The following CPLANE1 variants were observed in gnomAD, a reference collection of about 807,000 sequenced individuals.
CPLANE1 encodes the protein ciliogenesis and planar polarity effector complex subunit 1.
Under a neutral mutation model 362.5 loss-of-function variants are expected in CPLANE1, and 263 were observed. The ratio of observed to expected loss-of-function variants is 0.73; its 90% CI spans 0.66 to 0.80. CPLANE1 has a LOEUF of 0.80. Ranked by LOEUF, CPLANE1 falls within the 30% of genes least tolerant of loss-of-function variation. CPLANE1 has a pLI of 0.00. For missense variants in CPLANE1, 3,461 were observed against 3,793.4 expected (o/e 0.91, Z 2.30); for synonymous variants, 1,212 against 1,302.6 (o/e 0.93, Z 1.50).
downstream of CPLANE1, among the ~76,000 whole-genome samples, chr5:37,103,160 T>C (rs569956699): frequency 5.7e-4 from 87 of 152,312 alleles, 1 homozygote; most frequent in African/African-American, 2.0e-3. Context: ...TTTTTATCTT[T>C]GTTGGTTTAA....
At chr5:37,177,260 TACATA>T (rs1201745199) in intron 30 of CPLANE1, among the ~76,000 whole-genome samples, 1 of 152,190 alleles carries the variant, frequency 6.6e-6, no homozygotes, top group Non-Finnish European at 1.5e-5. Flanking sequence ...ATTTTATACA[TACATA>T]AAATAATTTA....
At chr5:37,197,848 A>G (rs1288533258) in intron 20 of CPLANE1, among the ~76,000 whole-genome samples, 1 of 152,100 alleles carries the variant, frequency 6.6e-6, no homozygotes, top group Non-Finnish European at 1.5e-5. Context: ...CATCACCCCA[A>G]AAAGAAAAAC....
chr5:37,140,706 G>A (rs1769440372), intron 44 of CPLANE1: 1 of 985,266 alleles, frequency 1.0e-6, no homozygotes, highest in Non-Finnish European at 1.2e-6. Context: ...GACCTCTTGG[G>A]TTAAAGATTG....
the CPLANE1 span, among the ~76,000 whole-genome samples, chr5:37,098,073 TAC>T: frequency 2.6e-5 from 4 of 151,924 alleles, no homozygotes; most frequent in African/African-American, 9.7e-5. Context: ...CAGACTCCAA[TAC>T]AGTCATATTT....
the CPLANE1 span, among the ~76,000 whole-genome samples, chr5:37,077,479 C>A: frequency 2.6e-5 from 4 of 151,868 alleles, no homozygotes; most frequent in African/African-American, 7.3e-5. Context: ...TTTTCCAATT[C>A]TCTTTGTTTG....
In CPLANE1 at chr5:37,201,800, C is replaced by T; in HGVS notation, c.3298G>A (p.Glu1100Lys). The T allele has an allele frequency of 6.2e-7, 1 of 1,609,168 alleles. No individual in the cohort carries two copies. Among genetic ancestry groups the T allele is most frequent in the Admixed American group, 1.7e-5 (1 of 59,848 alleles). ...SKYKQFTDPIEEEDANLLFGS... is the reference protein window; with the variant it reads ...SKYKQFTDPIKEEDANLLFGS... ...AATAGCAGATTTGCATCTTCCTCTT[C>T]AATGGGATCTATCAAATACAAAAAT... Residue 1100 changes from glutamate to lysine, a missense_variant, in exon 19 of 53, where the codon GAA becomes AAA. Coordinates refer to ENST00000651892, the MANE Select transcript of CPLANE1 (RefSeq NM_001384732.1).
At position 37,167,125 on chromosome 5, in the gene CPLANE1, C is replaced by T. The variant is rs757372574; in HGVS notation, c.7322G>A (p.Gly2441Asp). 4.3e-6 allele frequency: 7 copies of T among 1,613,290 alleles called. No homozygotes were observed. The East Asian group carries it at 1.6e-4, about 36-fold the overall frequency. The change falls in exon 35 of 53, where the codon GGT becomes GAT. Residue 2441 changes from glycine (G) to aspartate (D), a missense_variant. Gly to Asp is a moderately conservative substitution (Grantham distance 94, BLOSUM62 -1). Around this residue, in one of 2 missense-constraint regions of CPLANE1, gnomAD observed 3,380 missense variants for 3,666.1 expected, o/e 0.92. Coordinates refer to ENST00000651892, the MANE Select transcript of CPLANE1 (RefSeq NM_001384732.1). ...QKLTHNLFEQ[G>D]DAGHLQLLKV... is the part of the protein sequence containing the mutation. ...TAGAAGTTGAAGGTGTCCAGCATCA[C>T]CTTGTTCAAATAAATTATGTGTTAG...
chr5:37,167,772 G>A (rs575082561), intron 34 of CPLANE1, among the ~76,000 whole-genome samples: 5 of 152,096 alleles, frequency 3.3e-5, no homozygotes, highest in African/African-American at 7.2e-5. Flanking sequence ...GCAAGGCTCC[G>A]TCTCATACAT....
chr5:37,076,273 G>GAA, the CPLANE1 span, among the ~76,000 whole-genome samples: 3 of 150,060 alleles, frequency 2.0e-5, no homozygotes, highest in African/African-American at 7.3e-5. Context: ...AAAAAGAAAA[G>GAA]AAAAGAGAAA....
chr5:37,175,397 C>T (rs1780894272), intron 31 of CPLANE1, among the ~76,000 whole-genome samples: 1 of 152,106 alleles, frequency 6.6e-6, no homozygotes, highest in African/African-American at 2.4e-5. Flanking sequence ...CAGATCTGCC[C>T]ATTTTAAAAC....
chr5:37,138,442 G>A, intron 46 of CPLANE1: 1 of 531,182 alleles, frequency 1.9e-6, no homozygotes, highest in East Asian at 4.5e-5. Context: ...TGGGTAAAGT[G>A]CTATGAGCTA....
chr5:37,222,906 G>A (rs183412322), intron 14 of CPLANE1, among the ~76,000 whole-genome samples: 2 of 152,272 alleles, frequency 1.3e-5, no homozygotes, highest in Admixed American at 1.3e-4. Context: ...TCATAGTCCT[G>A]CAACTGGCCT....
chr5:37,113,582 A>G (rs1759980079), intron 51 of CPLANE1, among the ~76,000 whole-genome samples: 1 of 152,210 alleles, frequency 6.6e-6, no homozygotes, highest in Non-Finnish European at 1.5e-5. Context: ...TGGGGGAAAG[A>G]GTAGAAAAAG....
downstream of CPLANE1, among the ~76,000 whole-genome samples, chr5:37,103,277 T>C (rs2149822842): frequency 6.6e-6 from 1 of 152,342 alleles, no homozygotes; most frequent in East Asian, 1.9e-4. Flanking sequence ...ATGTGAGATG[T>C]GTCTCTTGAA....
At chr5:37,103,309 G>A (rs1283167406), downstream of CPLANE1, among the ~76,000 whole-genome samples, 1 of 152,128 alleles carries the variant, frequency 6.6e-6, no homozygotes, top group East Asian at 1.9e-4. Context: ...AATGGGGCTT[G>A]ACTCTATCCA....
At chr5:37,158,947 C>A (rs1024533520) in intron 38 of CPLANE1, among the ~76,000 whole-genome samples, 1 of 151,612 alleles carries the variant, frequency 6.6e-6, no homozygotes, top group Non-Finnish European at 1.5e-5. Flanking sequence ...CCACACCTGG[C>A]TAATTTTTTT....
At position 37,165,217 on chromosome 5, in the gene CPLANE1, A is replaced by G. The variant is rs573893247; in HGVS notation, c.7533+322T>C. ...GAATCTCAGAGAACGGTGAAACTGT[A>G]TTAGGAGAAGCCCAAATAACATAAT... On this transcript the variant is annotated intron_variant, in intron 36 of 52. Coordinates refer to ENST00000651892, the MANE Select transcript of CPLANE1 (RefSeq NM_001384732.1). Among the ~76,000 whole-genome samples the G allele has an allele frequency of 5.9e-5, 9 of 152,348 alleles. No homozygotes were observed. In the South Asian group the frequency reaches 1.7e-3, roughly 28 times the overall value.
chr5:37,237,239 T>C (rs1799202820), intron 8 of CPLANE1, among the ~76,000 whole-genome samples: 1 of 152,218 alleles, frequency 6.6e-6, no homozygotes, highest in Non-Finnish European at 1.5e-5. Flanking sequence ...TGTGTGTATA[T>C]ATATGTATCA....
chr5:37,206,321 G>A lies in CPLANE1; in HGVS notation c.3025C>T (p.Leu1009=), dbSNP rs1357743442. Residue 1009 remains leucine (L), a synonymous_variant, in exon 17 of 53, where the codon CTA becomes TTA. Transcript: ENST00000651892. ...VWTVEYALEL[L]FIGGLVPEAV... is the part of the protein sequence containing the mutation. ...TCTGGAACCAGGCCACCAATAAATA[G>A]TAATTCAAGTGCATATTCAACTGTC... 2 of 1,551,440 alleles carry A rather than the reference G, an allele frequency of 1.3e-6. No homozygotes were observed. Among genetic ancestry groups the A allele is most frequent in the Non-Finnish European group, 1.7e-6 (2 of 1,146,740 alleles).
Sources: gnomAD v4.1 joint callset for allele counts (sites outside exome capture counted in the v4.1 genomes callset) on GRCh38, gnomAD v4.1.1 for gene constraint, gnomAD v4.1.1 regional missense constraint, MANE v1.5 for transcripts, NCBI Gene and HGNC (gene_info 2026-07-23, HGNC 2026-07-21) for gene names.